The following PITPNC1 variants were observed in gnomAD, a reference collection of about 807,000 sequenced individuals.
The protein encoded by PITPNC1 is phosphatidylinositol transfer protein cytoplasmic 1.
PITPNC1 carries 18 observed loss-of-function variants against 44.7 expected under a neutral mutation model. The ratio of observed to expected loss-of-function variants is 0.40; its 90% confidence interval spans 0.28 to 0.60. The LOEUF is 0.60. Among genes scored for constraint, PITPNC1 ranks in the 20% least tolerant of loss-of-function variants. The probability of loss-of-function intolerance (pLI) is 0.39; values close to 1 mark genes in which losing one functional copy is unlikely to be tolerated. For missense variants in PITPNC1, 290 were observed against 418.4 expected (o/e 0.69, Z 2.68); for synonymous variants, 141 against 149.6 (o/e 0.94, Z 0.42).
chr17:67,511,224 C>A (rs756668782), intron 1 of PITPNC1, among the ~76,000 whole-genome samples: 5 of 152,072 alleles, frequency 3.3e-5, no homozygotes, highest in African/African-American at 7.2e-5. Context: ...TTTGGATGTA[C>A]CATGATTTAT....
intron 1 of PITPNC1, among the ~76,000 whole-genome samples, chr17:67,476,817 T>C (rs2039637088): frequency 2.0e-5 from 3 of 152,096 alleles, no homozygotes. Context: ...GGGCCAGGGC[T>C]GGGTCCTGGG....
chr17:67,421,307 T>C (rs1416253436), intron 1 of PITPNC1, among the ~76,000 whole-genome samples: 1 of 152,066 alleles, frequency 6.6e-6, no homozygotes, highest in Non-Finnish European at 1.5e-5. Context: ...TTTGAGATGG[T>C]GTTTCGCTCT....
chr17:67,448,503 C>T (rs375260500), intron 1 of PITPNC1, among the ~76,000 whole-genome samples: 5 of 152,244 alleles, frequency 3.3e-5, no homozygotes, highest in South Asian at 2.1e-4. Context: ...TGGTGGTCCT[C>T]GTTCATGAAC....
intron 1 of PITPNC1, among the ~76,000 whole-genome samples, chr17:67,475,155 C>T (rs999138882): frequency 1.2e-4 from 18 of 152,280 alleles, no homozygotes; most frequent in African/African-American, 4.3e-4. Flanking sequence ...AGTTCTGGTT[C>T]GCAGAGGGTC....
chr17:67,469,002 T>C (rs1568002116), intron 1 of PITPNC1, among the ~76,000 whole-genome samples: 1 of 152,178 alleles, frequency 6.6e-6, no homozygotes, highest in Admixed American at 6.5e-5. Context: ...GTGTTGCAAT[T>C]ACAGGAGTCA....
chr17:67,570,777 G>A (rs989612943), intron 4 of PITPNC1, among the ~76,000 whole-genome samples: 1 of 128,180 alleles, frequency 7.8e-6, no homozygotes, highest in Non-Finnish European at 1.7e-5. Context: ...CCAAAAATCT[G>A]TATTTTTTTT....
At chr17:67,415,373 T>C (rs1239959070) in intron 1 of PITPNC1, among the ~76,000 whole-genome samples, 1 of 152,224 alleles carries the variant, frequency 6.6e-6, no homozygotes, top group East Asian at 1.9e-4. Flanking sequence ...CATTAGATTG[T>C]AAGTTTCCTA....
chr17:67,561,553 G>A (rs1598822893), intron 4 of PITPNC1, among the ~76,000 whole-genome samples: 1 of 151,734 alleles, frequency 6.6e-6, no homozygotes, highest in South Asian at 2.1e-4. Context: ...TTTCTTTACT[G>A]TCTAGACAAG....
intron 8 of PITPNC1, among the ~76,000 whole-genome samples, chr17:67,682,532 G>T (rs1023802643): frequency 6.6e-6 from 1 of 152,134 alleles, no homozygotes; most frequent in Non-Finnish European, 1.5e-5. Context: ...GAGAAGAAAA[G>T]AAATGGCCTC....
Position 67,632,189 on chromosome 17 carries a change from T to C in PITPNC1, c.413T>C (p.Ile138Thr). 2 of 1,613,338 alleles carry C rather than the reference T, an allele frequency of 1.2e-6. No individual in the cohort carries two copies. Among genetic ancestry groups the C allele is most frequent in the Non-Finnish European group, 1.7e-6 (2 of 1,179,312 alleles). The change falls in exon 6 of 9, where the codon ATT (isoleucine) becomes ACT (threonine). Residue 138 changes from isoleucine (I) to threonine (T), a missense_variant. Ile to Thr is a moderately conservative substitution (Grantham distance 89, BLOSUM62 -1). Coordinates refer to ENST00000581322, the MANE Select transcript of PITPNC1 (RefSeq NM_012417.4). The stretch of plus-strand genomic sequence containing the variant: ...GACGTGGAGAGAGAAGTTTGCTTTA[T>C]TGATATTGCCTGCGATGAAATTCCA... ...AKDVEREVCF[I>T]DIACDEIPER...
intron 6 of PITPNC1, among the ~76,000 whole-genome samples, chr17:67,642,867 A>G (rs1047954035): frequency 1.4e-4 from 22 of 152,004 alleles, no homozygotes; most frequent in Non-Finnish European, 2.6e-4. Context: ...TTTCAAGGGG[A>G]AAAAAACCAT....
chr17:67,447,089 CAAAAAAAA>C (rs749024248), intron 1 of PITPNC1, among the ~76,000 whole-genome samples: 3 of 35,344 alleles, frequency 8.5e-5, no homozygotes, highest in Admixed American at 9.4e-4. Flanking sequence ...GACTCTGTCT[CAAAAAAAA>C]AAAAAAAAAA....
intron 1 of PITPNC1, among the ~76,000 whole-genome samples, chr17:67,462,043 T>C (rs1409800974): frequency 6.6e-6 from 1 of 152,044 alleles, no homozygotes; most frequent in Non-Finnish European, 1.5e-5. Flanking sequence ...AATGTCCCAT[T>C]TGCTTTCACA....
intron 1 of PITPNC1, among the ~76,000 whole-genome samples, chr17:67,507,726 T>C (rs970382538): frequency 1.3e-5 from 2 of 150,140 alleles, no homozygotes; most frequent in African/African-American, 4.9e-5. Context: ...ACTGTGTTAT[T>C]GAAGGCTGGG....
rs538625422 is a variant in PITPNC1 at position 67,585,818 on chromosome 17, C to G, written c.366+7561C>G. ...AGACGCTGTCTCAAAAACAAACAAG[C>G]AGACTCTTTGGGTGCAACACGTGAA... On this transcript the variant is annotated intron_variant, in intron 5 of 8. Coordinates refer to ENST00000581322, the MANE Select transcript of PITPNC1 (RefSeq NM_012417.4). Among the ~76,000 whole-genome samples, 16 of 152,234 alleles carry G rather than the reference C, an allele frequency of 1.1e-4. No homozygotes were observed. In the South Asian group the frequency reaches 2.3e-3, roughly 22 times the overall value.
intron 1 of PITPNC1, among the ~76,000 whole-genome samples, chr17:67,446,056 C>T (rs2039088282): frequency 6.6e-6 from 1 of 152,028 alleles, no homozygotes; most frequent in African/African-American, 2.4e-5. Flanking sequence ...AGGCAATTCT[C>T]CTGCCTCAGC....
At chr17:67,474,314 A>G (rs898471679) in intron 1 of PITPNC1, among the ~76,000 whole-genome samples, 1 of 152,228 alleles carries the variant, frequency 6.6e-6, no homozygotes, top group Non-Finnish European at 1.5e-5. Flanking sequence ...CTTCTCCGTC[A>G]AGATGTTTTC....
intron 2 of PITPNC1, among the ~76,000 whole-genome samples, chr17:67,541,758 T>G (rs530736488): frequency 2.0e-5 from 3 of 152,070 alleles, no homozygotes; most frequent in South Asian, 4.1e-4. Context: ...TAGACTTGAG[T>G]GTATCATGGT....
chr17:67,675,458 T>G (rs764588021), intron 7 of PITPNC1, 21 bp from the exon 8 acceptor site: 1 of 1,550,490 alleles, frequency 6.4e-7, no homozygotes, highest in African/African-American at 1.4e-5. Context: ...ATTATTTCAG[T>G]CTCCTTCTTT....
Sources: allele counts gnomAD v4.1 joint callset (sites outside exome capture counted in the v4.1 genomes callset), GRCh38; gene constraint gnomAD v4.1.1; transcripts MANE v1.5; gene names NCBI Gene and HGNC (gene_info 2026-07-23, HGNC 2026-07-21).